Variants in SNRPN observed in about 807,000 individuals in gnomAD.
The protein encoded by SNRPN is small nuclear ribonucleoprotein polypeptide N.
A neutral mutation model predicts 25.2 loss-of-function variants in SNRPN; 7 were observed. The ratio of observed to expected loss-of-function variants is 0.28; its 90% confidence interval spans 0.16 to 0.52. SNRPN has a LOEUF of 0.52. Ranked by LOEUF, SNRPN falls within the 20% of genes least tolerant of loss-of-function variation. SNRPN has a pLI of 0.96. For missense variants in SNRPN, 196 were observed against 322.5 expected, an observed-to-expected ratio of 0.61 and a Z score of 3.00; for synonymous variants, 124 against 110.6, an observed-to-expected ratio of 1.12 and a Z score of -0.76.
chr15:24,894,384 A>C (rs1006594031), intron 2 of SNRPN, among the ~76,000 whole-genome samples: 7 of 152,178 alleles, frequency 4.6e-5, no homozygotes, highest in Admixed American at 6.5e-5. Flanking sequence ...ACGCCTGGCT[A>C]ATTTTTTGTA....
intron 1 of SNRPN, among the ~76,000 whole-genome samples, chr15:24,861,789 T>C (rs918521362): frequency 6.6e-6 from 1 of 152,176 alleles, no homozygotes; most frequent in African/African-American, 2.4e-5. Flanking sequence ...TAAAAGCCCT[T>C]CCATAGTTAT....
intron 1 of SNRPN, among the ~76,000 whole-genome samples, chr15:24,827,089 G>T (rs2050145399): frequency 6.6e-6 from 1 of 151,988 alleles, no homozygotes; most frequent in Non-Finnish European, 1.5e-5. Context: ...TTTTTTAACT[G>T]GTACTGCTGT....
intron 2 of SNRPN, 87 bp from the exon 3 acceptor site, chr15:24,967,845 T>G: frequency 9.4e-7 from 1 of 1,060,988 alleles, no homozygotes; most frequent in Admixed American, 1.8e-5. Context: ...TCTTCTTAAA[T>G]GTAAGGGTAC....
chr15:24,894,138 C>T (rs891574947), intron 2 of SNRPN, among the ~76,000 whole-genome samples: 4 of 152,220 alleles, frequency 2.6e-5, no homozygotes, highest in Non-Finnish European at 4.4e-5. Context: ...CCACAGCCCC[C>T]CAACCTGATG....
At chr15:24,974,861 G>A (rs1045153938) in intron 4 of SNRPN, 2 of 699,134 alleles carry the variant, frequency 2.9e-6, no homozygotes, top group African/African-American at 3.5e-5. Flanking sequence ...ACTGTGCCTG[G>A]CCATGAGAAA....
At chr15:24,911,688 C>T (rs533006568) in intron 2 of SNRPN, among the ~76,000 whole-genome samples, 1 of 152,282 alleles carries the variant, frequency 6.6e-6, no homozygotes, top group Non-Finnish European at 1.5e-5. Flanking sequence ...ACCTAATTTC[C>T]AAGGAAGCCT....
intron 5 of SNRPN, 58 bp downstream of exon 5, chr15:24,975,567 A>G: frequency 2.1e-6 from 3 of 1,437,630 alleles, no homozygotes; most frequent in Non-Finnish European, 2.9e-6. Flanking sequence ...AGGGAAGGCC[A>G]GAGCTGGAGT....
At chr15:24,967,807 GGAA>G in intron 2 of SNRPN, 122 bp from the exon 3 acceptor site, 2 of 697,660 alleles carry the variant, frequency 2.9e-6, no homozygotes, top group Non-Finnish European at 4.5e-6. Flanking sequence ...GACCCTGTCT[GGAA>G]AAAAAAAAAA....
chr15:24,896,543 C>A (rs2058090775), intron 2 of SNRPN, among the ~76,000 whole-genome samples: 1 of 151,964 alleles, frequency 6.6e-6, no homozygotes, highest in South Asian at 2.1e-4. Context: ...GAAACCTCAT[C>A]TCTACTAAAA....
intron 2 of SNRPN, chr15:24,909,621 G>C (rs773266566): frequency 1.3e-4 from 162 of 1,211,684 alleles, no homozygotes; most frequent in Non-Finnish European, 1.9e-4. Flanking sequence ...CCCTCTATAT[G>C]GGCATAAGCA....
At chr15:24,895,678 G>A (rs534960733) in intron 2 of SNRPN, among the ~76,000 whole-genome samples, 3 of 152,056 alleles carry the variant, frequency 2.0e-5, no homozygotes, top group Non-Finnish European at 4.4e-5. Flanking sequence ...GTATGAAAAC[G>A]TTCTGCCGTT....
chr15:24,972,129 G>A (rs1015764057), intron 3 of SNRPN, among the ~76,000 whole-genome samples: 3 of 151,796 alleles, frequency 2.0e-5, no homozygotes, highest in Admixed American at 1.3e-4. Context: ...GGTGGCGGGC[G>A]CCTGTAATCC....
rs868743170 is a variant in SNRPN, at chr15:24,975,906, T to C, written c.155+397T>C. On this transcript the variant is annotated intron_variant, in intron 5 of 9. Transcript: ENST00000390687. ...GATATGGTTGCCATTTGGTATCCTC[T>C]CTTTGCCTATCACTGTTCCCATTAT... Among the ~76,000 whole-genome samples the C allele has an allele frequency of 3.9e-5, 6 of 152,298 alleles. 1 individual carries two copies. The Middle Eastern group carries it at 0.014, about 345-fold the overall frequency.
intron 2 of SNRPN, among the ~76,000 whole-genome samples, chr15:24,964,499 G>A (rs943495804): frequency 1.3e-5 from 2 of 151,996 alleles, no homozygotes; most frequent in Admixed American, 1.3e-4. Context: ...TCTCCATGTT[G>A]GTCAGGCTGG....
intron 1 of SNRPN, among the ~76,000 whole-genome samples, chr15:24,875,815 A>T (rs959554786): frequency 5.3e-5 from 8 of 152,134 alleles, no homozygotes; most frequent in African/African-American, 1.7e-4. Context: ...GCACTTTGGG[A>T]GGCTGAGGCG....
At chr15:24,974,814 C>T (rs1414886792) in intron 4 of SNRPN, 1 of 657,040 alleles carries the variant, frequency 1.5e-6, no homozygotes, top group African/African-American at 1.8e-5. Flanking sequence ...CCACCTCGGC[C>T]TCCCAAAGTG....
At chr15:24,875,328 T>C (rs542821560) in intron 1 of SNRPN, among the ~76,000 whole-genome samples, 1 of 152,236 alleles carries the variant, frequency 6.6e-6, no homozygotes, top group African/African-American at 2.4e-5. Context: ...CCAGAATCTT[T>C]GTTTACATCA....
At chr15:24,838,134 A>C (rs1275562643) in intron 2 of SNRPN, among the ~76,000 whole-genome samples, 4 of 151,296 alleles carry the variant, frequency 2.6e-5, no homozygotes, top group African/African-American at 9.7e-5. Flanking sequence ...TCCCTGGTTC[A>C]AGTGATTCTC....
At chr15:24,834,728 C>CCCTCTCT (rs1555376612) in intron 2 of SNRPN, among the ~76,000 whole-genome samples, 3 of 42,806 alleles carry the variant, frequency 7.0e-5, no homozygotes, top group Non-Finnish European at 1.3e-4. Flanking sequence ...TCTCTCTCTC[C>CCCTCTCT]CTCTCTCTCT....
Sources: gnomAD v4.1 joint callset for allele counts (sites outside exome capture counted in the v4.1 genomes callset) on GRCh38, gnomAD v4.1.1 for gene constraint, MANE v1.5 for transcripts, NCBI Gene and HGNC (gene_info 2026-07-23, HGNC 2026-07-21) for gene names.